Variants in ZNF674 observed in about 807,000 individuals in gnomAD.
The protein encoded by ZNF674 is zinc finger protein 674.
ZNF674 carries 2 observed loss-of-function variants against 7.0 expected under a neutral mutation model. That is an observed-to-expected ratio of 0.29 (90% CI 0.12 to 0.90). ZNF674 has a LOEUF of 0.90. ZNF674 is among the 40% of genes least tolerant of loss of function. The pLI, the probability that ZNF674 is intolerant of heterozygous loss-of-function variation, is 0.57. For synonymous variants in ZNF674, 103 were observed against 145.2 expected, an observed-to-expected ratio of 0.71 and a Z score of 2.09; for missense variants, 297 against 415.5, an observed-to-expected ratio of 0.71 and a Z score of 2.48.
At chrX:46,512,023 C>T (rs1271316799) in intron 5 of ZNF674, among the ~76,000 whole-genome samples, 1 of 59,102 alleles carries the variant, frequency 1.7e-5, no homozygotes, top group Non-Finnish European at 3.3e-5. Context: ...AACTCCATCT[C>T]AAAAAAAAAA....
chrX:46,506,786 C>T (rs1392874107), intron 5 of ZNF674, among the ~76,000 whole-genome samples: 1 of 111,413 alleles, frequency 9.0e-6, no homozygotes, highest in Non-Finnish European at 1.9e-5. Context: ...TGTGCTCCAA[C>T]CAATGAGGAA....
intron 5 of ZNF674, among the ~76,000 whole-genome samples, chrX:46,519,275 AT>A (rs1941856290): frequency 1.2e-5 from 1 of 81,068 alleles, no homozygotes; most frequent in African/African-American, 4.9e-5. Context: ...AAGATAGATG[AT>A]AGATAGATAG....
intron 5 of ZNF674, among the ~76,000 whole-genome samples, chrX:46,504,055 C>A (rs1941482009): frequency 1.8e-5 from 2 of 110,692 alleles, no homozygotes; most frequent in South Asian, 3.8e-4. Context: ...AAAATACACA[C>A]ATGTGCACAC....
intron 2 of ZNF674, among the ~76,000 whole-genome samples, chrX:46,542,634 A>G: frequency 9.0e-6 from 1 of 111,136 alleles, no homozygotes; most frequent in East Asian, 2.8e-4. Context: ...GGGTCTCTTG[A>G]GCCCAGGAGT....
chrX:46,519,289 A>AGAT (rs1421609334), intron 5 of ZNF674, among the ~76,000 whole-genome samples: 1 of 104,357 alleles, frequency 9.6e-6, no homozygotes, highest in African/African-American at 3.5e-5. Flanking sequence ...ATAGATAGAT[A>AGAT]GATAGATAGA....
chrX:46,505,685 C>T (rs769417019), intron 5 of ZNF674, among the ~76,000 whole-genome samples: 2 of 110,572 alleles, frequency 1.8e-5, no homozygotes, highest in South Asian at 3.8e-4. Context: ...GCAGGAAAAC[C>T]GCTTGAACCT....
intron 5 of ZNF674, among the ~76,000 whole-genome samples, chrX:46,504,581 G>A (rs1046422107): frequency 9.0e-6 from 1 of 110,957 alleles, no homozygotes; most frequent in African/African-American, 3.3e-5. Context: ...GACCTCATGC[G>A]ATCCACCCGC....
intron 3 of ZNF674, chrX:46,529,174 T>C (rs1262863061): frequency 9.5e-6 from 4 of 422,166 alleles, no homozygotes; most frequent in Non-Finnish European, 1.6e-5. Context: ...CGCTGGCCTT[T>C]CTTTATATAA....
At chrX:46,518,210 T>A (rs1465369863) in intron 5 of ZNF674, among the ~76,000 whole-genome samples, 1 of 111,292 alleles carries the variant, frequency 9.0e-6, no homozygotes, top group Non-Finnish European at 1.9e-5. Flanking sequence ...ATGTAATGTA[T>A]AATTTTTCTC....
At chrX:46,537,231 A>C (rs1015743435) in intron 3 of ZNF674, among the ~76,000 whole-genome samples, 1 of 110,111 alleles carries the variant, frequency 9.1e-6, no homozygotes, top group Non-Finnish European at 1.9e-5. Context: ...AGATCGCACC[A>C]CTGTACTCCA....
intron 5 of ZNF674, among the ~76,000 whole-genome samples, chrX:46,516,018 T>G (rs1452706048): frequency 8.9e-6 from 1 of 112,048 alleles, no homozygotes; most frequent in Non-Finnish European, 1.9e-5. Flanking sequence ...AATGCTTATA[T>G]TAGAAAAGAA....
intron 3 of ZNF674, 62 bp downstream of exon 3, chrX:46,542,011 T>C: frequency 9.6e-7 from 1 of 1,037,229 alleles, no homozygotes; most frequent in Admixed American, 2.2e-5. Flanking sequence ...AAGTTTATTA[T>C]ATAGATTCCA....
At chrX:46,528,205 T>C (rs1942042444) in intron 5 of ZNF674, 145 bp downstream of exon 5, 2 of 602,900 alleles carry the variant, frequency 3.3e-6, no homozygotes, top group Admixed American at 2.6e-5. Context: ...CATTTGGACA[T>C]GACAACAGTT....
chrX:46,543,143 G>A (rs956107077), intron 2 of ZNF674, among the ~76,000 whole-genome samples: 6 of 109,908 alleles, frequency 5.5e-5, no homozygotes, highest in South Asian at 7.8e-4. Flanking sequence ...TAGTAGAGAC[G>A]GGGTTTCATC....
At chrX:46,521,880 C>T (rs1941920384) in intron 5 of ZNF674, among the ~76,000 whole-genome samples, 1 of 107,576 alleles carries the variant, frequency 9.3e-6, no homozygotes, top group Admixed American at 1.0e-4. Context: ...CAGAGCAAGA[C>T]TCTGTCTCAA....
intron 5 of ZNF674, chrX:46,525,588 C>G (rs1941996526): frequency 9.3e-6 from 1 of 107,798 alleles, no homozygotes; most frequent in African/African-American, 3.4e-5. Flanking sequence ...GCACTCCAGC[C>G]TGGGCAACAA....
intron 3 of ZNF674, among the ~76,000 whole-genome samples, chrX:46,536,398 T>A (rs1390814770): frequency 9.0e-6 from 1 of 110,836 alleles, no homozygotes; most frequent in Non-Finnish European, 1.9e-5. Context: ...GAGACCATCC[T>A]GGCCAACATG....
At chrX:46,513,218 G>A (rs1295435958) in intron 5 of ZNF674, among the ~76,000 whole-genome samples, 2 of 110,420 alleles carry the variant, frequency 1.8e-5, no homozygotes, top group African/African-American at 3.3e-5. Flanking sequence ...ATCTGACATC[G>A]CGCCACTGCA....
intron 3 of ZNF674, among the ~76,000 whole-genome samples, chrX:46,531,690 G>A (rs865909033): frequency 4.5e-5 from 5 of 110,983 alleles, no homozygotes; most frequent in Middle Eastern, 4.6e-3. Context: ...CCACTGTCAC[G>A]TTTCTAGTCA....
Sources: allele counts gnomAD v4.1 joint callset (sites outside exome capture counted in the v4.1 genomes callset), GRCh38; gene constraint gnomAD v4.1.1; transcripts MANE v1.5; gene names NCBI Gene and HGNC (gene_info 2026-07-23, HGNC 2026-07-21).